Variants in PCDHGA11 observed in about 807,000 individuals in gnomAD.
PCDHGA11 encodes protocadherin gamma subfamily A, 11.
Under a neutral mutation model 60.4 loss-of-function variants are expected in PCDHGA11, and 39 were observed. The ratio of observed to expected loss-of-function variants is 0.65; its 90% CI spans 0.50 to 0.84. The LOEUF (loss-of-function observed/expected upper bound fraction) is 0.84, where lower values mean the gene tolerates loss of function less well. PCDHGA11 is among the 40% of genes least tolerant of loss of function. PCDHGA11 has a pLI of 0.00. For synonymous variants in PCDHGA11, 533 were observed against 510.3 expected (o/e 1.04, Z -0.60); for missense variants, 1,165 against 1,197.7 (o/e 0.97, Z 0.40).
rs377248872 is a variant in PCDHGA11 at position 141,489,231 on chromosome 5, C to T, written c.2434-5576C>T. 2 of 1,528,166 alleles carry T rather than the reference C, an allele frequency of 1.3e-6. No homozygotes were observed. The highest frequency in any genetic ancestry group is 1.4e-5 in the African/African-American group (1 of 72,140). The allele number at this position is 1,528,166 out of a possible 1,614,324, so 94.7% of individuals were successfully genotyped here. A position where few individuals can be genotyped will look rare whatever the true frequency, so the allele number is the denominator to read the frequency against. On this transcript the variant is annotated intron_variant, in intron 1 of 3. Transcript: ENST00000398587. This position sits in a 1 kb window ranked among gnomAD's most constrained non-coding sequence, Gnocchi z 4.5. ...CACAGACTTACTCTCCACAAAGGGA[C>T]TTCTGGGTCATGGGGCCCAAGACAC...
Position 141,432,479 on chromosome 5 carries a change from G to A in PCDHGA11, c.2433+8819G>A, listed in dbSNP as rs771261875. ...CGCCCTCCCCACGGACGGTTCCACT[G>A]GCGTGGAGCTGGCTCCCCGCTCCGC... On this transcript the variant is annotated intron_variant, in intron 1 of 3. Transcript: ENST00000398587. The surrounding 1 kb of genome is among the most constrained non-coding windows in gnomAD (Gnocchi z 6.0). The A allele has an allele frequency of 3.8e-5, 62 of 1,614,076 alleles. No individual in the cohort carries two copies. Among genetic ancestry groups the A allele is most frequent in the Non-Finnish European group, 4.9e-5 (58 of 1,180,052 alleles).
chr5:141,490,942 C>G lies in PCDHGA11; in HGVS notation c.2434-3865C>G. 1 of 1,613,644 alleles carries G rather than the reference C, an allele frequency of 6.2e-7. No individual in the cohort carries two copies. Among genetic ancestry groups the G allele is most frequent in the Non-Finnish European group, 8.5e-7 (1 of 1,179,760 alleles). On this transcript the variant is annotated intron_variant, in intron 1 of 3. Transcript: ENST00000398587. This position sits in a 1 kb window ranked among gnomAD's most constrained non-coding sequence, Gnocchi z 5.4. ...TAATGCCCCAGCTGTGCTGCACCCA[C>G]GGCCAGACTGGGAACACTCAGCCCC...
Position 141,485,979 on chromosome 5 carries a change from C to T in PCDHGA11, c.2434-8828C>T. ...CTCATCCAGCTCAATGCCTCAGACC[C>T]GGACCTGGGTCCCAGTGGTAACGTC... is the stretch of plus-strand genomic sequence containing the variant. On this transcript the variant is annotated intron_variant, in intron 1 of 3. Coordinates refer to ENST00000398587, the MANE Select transcript of PCDHGA11 (RefSeq NM_018914.3). The surrounding 1 kb of genome is among the most constrained non-coding windows in gnomAD (Gnocchi z 5.7). The T allele has an allele frequency of 1.2e-6, 2 of 1,614,182 alleles. No individual in the cohort carries two copies. The highest frequency in any genetic ancestry group is 1.7e-6 in the Non-Finnish European group (2 of 1,180,022).
At chr5:141,448,667 G>A (rs1262994760) in intron 1 of PCDHGA11, among the ~76,000 whole-genome samples, 6 of 151,990 alleles carry the variant, frequency 3.9e-5, no homozygotes, top group African/African-American at 9.7e-5. Flanking sequence ...TTGGCCGGGC[G>A]CGGTGGCTCA....
chr5:141,435,795 G>A (rs150143106), intron 1 of PCDHGA11, among the ~76,000 whole-genome samples: 16 of 152,032 alleles, frequency 1.1e-4, no homozygotes, highest in Admixed American at 2.0e-4. Flanking sequence ...GAAACATAAC[G>A]TCCCAATTAT....
intron 3 of PCDHGA11, among the ~76,000 whole-genome samples, chr5:141,509,518 T>A (rs1441963133): frequency 6.6e-6 from 1 of 152,170 alleles, no homozygotes; most frequent in Non-Finnish European, 1.5e-5. Context: ...GTTGATGATG[T>A]ATTGCACAGG....
Position 141,490,798 on chromosome 5 carries a change from C to A in PCDHGA11, c.2434-4009C>A. 2 of 1,613,926 alleles carry A rather than the reference C, an allele frequency of 1.2e-6. No individual in the cohort carries two copies. Among genetic ancestry groups the A allele is most frequent in the South Asian group, 2.2e-5 (2 of 91,074 alleles). ...AGAGGATGGACGGATCTTTGCCCAG[C>A]GTACCTTTGACTATGAATTGCTGCA... On this transcript the variant is annotated intron_variant, in intron 1 of 3. Transcript: ENST00000398587. This position sits in a 1 kb window ranked among gnomAD's most constrained non-coding sequence, Gnocchi z 5.4.
At position 141,477,751 on chromosome 5, in the gene PCDHGA11, G is replaced by T; in HGVS notation, c.2434-17056G>T. 1.2e-6 allele frequency: 2 copies of T among 1,613,830 alleles called. No homozygotes were observed. Among genetic ancestry groups the T allele is most frequent in the Non-Finnish European group, 1.7e-6 (2 of 1,180,022 alleles). On this transcript the variant is annotated intron_variant, in intron 1 of 3. Coordinates refer to ENST00000398587, the MANE Select transcript of PCDHGA11 (RefSeq NM_018914.3). This position sits in a 1 kb window ranked among gnomAD's most constrained non-coding sequence, Gnocchi z 4.9. ...CTCATATCAGCGATGGGGGCACCCC[G>T]GTCCTAGCCACCAACATCAGCGTGA...
chr5:141,477,512 A>G lies in PCDHGA11; in HGVS notation c.2434-17295A>G. 1.9e-6 allele frequency: 3 copies of G among 1,614,156 alleles called. No homozygotes were observed. Among genetic ancestry groups the G allele is most frequent in the South Asian group, 2.2e-5 (2 of 91,072 alleles). ...TTCTCAATCTTCCTACGACGTTTAC[A>G]TTGAAGAAAACAACCTCCCCGGGGC... On this transcript the variant is annotated intron_variant, in intron 1 of 3. Transcript: ENST00000398587. This position sits in a 1 kb window ranked among gnomAD's most constrained non-coding sequence, Gnocchi z 4.9.
chr5:141,435,542 A>C (rs1402711516), intron 1 of PCDHGA11, among the ~76,000 whole-genome samples: 1 of 152,146 alleles, frequency 6.6e-6, no homozygotes, highest in Non-Finnish European at 1.5e-5. Flanking sequence ...GAATTAACAA[A>C]ATGTGTTTTG....
intron 1 of PCDHGA11, chr5:141,428,464 G>A (rs904800167): frequency 1.1e-4 from 37 of 344,652 alleles, no homozygotes; most frequent in African/African-American, 6.3e-4. Context: ...CTACAATGAG[G>A]GAACTTTGCT....
intron 1 of PCDHGA11, among the ~76,000 whole-genome samples, chr5:141,435,500 A>G (rs896915416): frequency 6.6e-6 from 1 of 152,176 alleles, no homozygotes; most frequent in African/African-American, 2.4e-5. Context: ...TCCTACACTA[A>G]TGATACTAAT....
At position 141,489,074 on chromosome 5, in the gene PCDHGA11, C is replaced by A; in HGVS notation, c.2434-5733C>A. On this transcript the variant is annotated intron_variant, in intron 1 of 3. Coordinates refer to ENST00000398587, the MANE Select transcript of PCDHGA11 (RefSeq NM_018914.3). The surrounding 1 kb of genome is among the most constrained non-coding windows in gnomAD (Gnocchi z 4.5). ...TTCAGCTCCCCTCCCCCCTGCCCAC[C>A]CCCGCCACTCGGTGACTAAGAACTG... 9.4e-6 allele frequency: 3 copies of A among 320,798 alleles called. No individual in the cohort carries two copies. The highest frequency in any genetic ancestry group is 1.7e-5 in the Non-Finnish European group (3 of 177,744). 19.9% of individuals were successfully genotyped at this position (320,798 alleles called of 1,614,324 possible). A position where few individuals can be genotyped will look rare whatever the true frequency, so the allele number is the denominator to read the frequency against.
chr5:141,487,013 C>T lies in PCDHGA11; in HGVS notation c.2434-7794C>T. ...GGTTTCCTATCAGCTCCTGGAGGCC[C>T]CAGATCCCAGCCTGTTTGCAGTCTC... On this transcript the variant is annotated intron_variant, in intron 1 of 3. Coordinates refer to ENST00000398587, the MANE Select transcript of PCDHGA11 (RefSeq NM_018914.3). The surrounding 1 kb of genome is among the most constrained non-coding windows in gnomAD (Gnocchi z 5.0). The T allele has an allele frequency of 1.2e-6, 2 of 1,614,220 alleles. No individual in the cohort carries two copies. Among genetic ancestry groups the T allele is most frequent in the Non-Finnish European group, 1.7e-6 (2 of 1,180,040 alleles).
rs1436956912 is a variant in PCDHGA11, at chr5:141,438,609, TATATATATATATATATATATATATATAC to T, written c.2433+14951_2433+14978del. Reference sequence around the variant, plus strand: ...ATACATACATATATATATATATATATATATATATATATATATATATATATATACACACACACACACACATATATGTATA... The same window carrying T: ...ATACATACATATATATATATATATATACACACACACACACATATATGTATA... On this transcript the variant is annotated intron_variant, in intron 1 of 3. Coordinates refer to ENST00000398587, the MANE Select transcript of PCDHGA11 (RefSeq NM_018914.3). Among the ~76,000 whole-genome samples the T allele has an allele frequency of 2.2e-3, 92 of 41,082 alleles. 2 individuals are homozygous for T. Among genetic ancestry groups the T allele is most frequent in the East Asian group, 7.4e-3 (6 of 810 alleles). The allele number at this position is 41,082 out of a possible 152,430, so 27.0% of individuals were successfully genotyped here.
Position 141,423,081 on chromosome 5 carries a change from C to A in PCDHGA11, c.1854C>A (p.Phe618Leu). 1 of 1,614,084 alleles carries A rather than the reference C, an allele frequency of 6.2e-7. No individual in the cohort carries two copies. The highest frequency in any genetic ancestry group is 1.1e-5 in the South Asian group (1 of 91,080). The stretch of plus-strand genomic sequence containing the variant: ...TTAAGGCCAGCGAGCCGGGACTCTT[C>A]GCGGTGGGGGAGCACACGGGCGAGG... ...RLLKASEPGLFAVGEHTGEVR... is the reference protein window; with the variant it reads ...RLLKASEPGLLAVGEHTGEVR... Residue 618 changes from phenylalanine to leucine, a missense_variant, in exon 1 of 4, where the codon TTC becomes TTA. Transcript: ENST00000398587.
At chr5:141,467,920 A>G (rs1244280087) in intron 1 of PCDHGA11, among the ~76,000 whole-genome samples, 1 of 152,124 alleles carries the variant, frequency 6.6e-6, no homozygotes, top group Non-Finnish European at 1.5e-5. Flanking sequence ...CAGCCTCCCA[A>G]AATGCTAGGA....
Position 141,421,138 on chromosome 5 carries a change from G to T in PCDHGA11, c.-90G>T, listed in dbSNP as rs2096548427. 1.1e-6 allele frequency: 1 copy of T among 899,466 alleles called. No individual in the cohort carries two copies. 55.7% of individuals were successfully genotyped at this position (899,466 alleles called of 1,614,324 possible). On this transcript the variant is annotated 5_prime_UTR_variant, in exon 1 of 4. Transcript: ENST00000398587. ...TTCCTTCGCTTTCTGATATATTTTG[G>T]ATGTAGTCGGCCTAGGACTTCATAG...
chr5:141,482,530 CAAAAA>C (rs3074545), intron 1 of PCDHGA11, among the ~76,000 whole-genome samples: 1 of 76,558 alleles, frequency 1.3e-5, no homozygotes, highest in African/African-American at 4.8e-5. Context: ...GACAGACATG[CAAAAA>C]AAAAAAAAAA....
Sources: allele counts gnomAD v4.1 joint callset (sites outside exome capture counted in the v4.1 genomes callset), GRCh38; gene constraint gnomAD v4.1.1; non-coding constraint Gnocchi (gnomAD v3.1); transcripts MANE v1.5; gene names NCBI Gene and HGNC (gene_info 2026-07-23, HGNC 2026-07-21).